The following ACOXL variants were observed in gnomAD, a reference collection of about 807,000 sequenced individuals.
ACOXL encodes the protein acyl-coenzyme A oxidase-like protein.
A neutral mutation model predicts 71.9 loss-of-function variants in ACOXL; 70 were observed. The ratio of observed to expected loss-of-function variants is 0.97; its 90% CI spans 0.80 to 1.19. The LOEUF (loss-of-function observed/expected upper bound fraction) is 1.19. ACOXL is among the 50% of genes most tolerant of loss of function. The pLI, the probability that ACOXL is intolerant of heterozygous loss-of-function variation, is 0.00. For synonymous variants in ACOXL, 253 were observed against 281.6 expected (o/e 0.90, Z 1.02); for missense variants, 703 against 736.3 (o/e 0.95, Z 0.52).
At position 111,088,757 on chromosome 2, in the gene ACOXL, A is replaced by G. The variant is rs144214815; in HGVS notation, c.1441-4108A>G. ...GACATCAGTTGAACTATACTCACAC[A>G]TATAGCCCTGAACCTAAAATAAAAG... On this transcript the variant is annotated intron_variant, in intron 16 of 17. Transcript: ENST00000439055. Among the ~76,000 whole-genome samples, 1,342 of 152,298 alleles carry G rather than the reference A, an allele frequency of 8.8e-3. 19 individuals are homozygous for G. The highest frequency in any genetic ancestry group is 0.03 in the African/African-American group (1,247 of 41,562).
At chr2:110,967,993 C>T (rs937818480) in intron 12 of ACOXL, 1 of 944,518 alleles carries the variant, frequency 1.1e-6, no homozygotes, top group African/African-American at 1.6e-5. Flanking sequence ...GATAGTAGTT[C>T]ATCTAACCAA....
At position 111,055,644 on chromosome 2, in the gene ACOXL, C is replaced by T. The variant is rs1041975660; in HGVS notation, c.1440+6356C>T. Among the ~76,000 whole-genome samples the T allele has an allele frequency of 3.3e-5, 5 of 152,216 alleles. No homozygotes were observed. In the East Asian group the frequency reaches 9.6e-4, roughly 29 times the overall value. ...ACCCTGTGAATGCATCACATGTACCCACATCACCATTCAGTCATCTGGGGC... is the reference window on the plus strand; with the variant it reads ...ACCCTGTGAATGCATCACATGTACCTACATCACCATTCAGTCATCTGGGGC... On this transcript the variant is annotated intron_variant, in intron 16 of 17. Transcript: ENST00000439055.
intron 17 of ACOXL, among the ~76,000 whole-genome samples, chr2:111,106,125 C>T (rs1043752373): frequency 6.6e-6 from 1 of 152,154 alleles, no homozygotes. Context: ...CTTCTCTTTT[C>T]AGAACACTGA....
chr2:110,954,375 C>T (rs2061427080), intron 12 of ACOXL, among the ~76,000 whole-genome samples: 1 of 152,156 alleles, frequency 6.6e-6, no homozygotes, highest in Non-Finnish European at 1.5e-5. Flanking sequence ...TGTTTTCCAT[C>T]TCTTATTTTC....
At chr2:110,870,035 C>A (rs1314962133) in intron 10 of ACOXL, among the ~76,000 whole-genome samples, 1 of 152,266 alleles carries the variant, frequency 6.6e-6, no homozygotes, top group African/African-American at 2.4e-5. Context: ...CCTTCACAGC[C>A]TATTTAAACC....
At chr2:110,959,790 A>T (rs866154913) in intron 12 of ACOXL, among the ~76,000 whole-genome samples, 5 of 152,154 alleles carry the variant, frequency 3.3e-5, no homozygotes, top group South Asian at 2.1e-4. Context: ...TTCTGCACCC[A>T]TTCTTCTTTC....
chr2:110,862,931 C>T (rs1694132081), intron 10 of ACOXL, among the ~76,000 whole-genome samples: 1 of 152,224 alleles, frequency 6.6e-6, no homozygotes, highest in Non-Finnish European at 1.5e-5. Flanking sequence ...CAGCAGCTAC[C>T]ACCTTCAATG....
intron 10 of ACOXL, among the ~76,000 whole-genome samples, chr2:110,843,714 A>T (rs546156701): frequency 1.3e-5 from 2 of 152,198 alleles, no homozygotes; most frequent in Non-Finnish European, 2.9e-5. Flanking sequence ...TGCTCTCCCC[A>T]GGAGACATCC....
chr2:110,829,591 T>C (rs942554960), intron 9 of ACOXL, among the ~76,000 whole-genome samples: 1 of 152,212 alleles, frequency 6.6e-6, no homozygotes, highest in African/African-American at 2.4e-5. Flanking sequence ...GTACGGTGGC[T>C]GTTTCTTCTC....
chr2:110,834,611 C>G (rs1690229967), intron 9 of ACOXL, among the ~76,000 whole-genome samples: 1 of 152,212 alleles, frequency 6.6e-6, no homozygotes, highest in East Asian at 1.9e-4. Flanking sequence ...ATGATAGTCA[C>G]TTAATAGAAA....
chr2:110,982,571 A>G lies in ACOXL; in HGVS notation c.1060-4537A>G, dbSNP rs191415540. On this transcript the variant is annotated intron_variant, in intron 12 of 17. Coordinates refer to ENST00000439055, the MANE Select transcript of ACOXL (RefSeq NM_001142807.4). ...AAAGAGTTAAAATGCATGATGGTGG[A>G]AAATCAAGACCATCCCCTTAGTCTT... 5.8e-4 allele frequency among the ~76,000 whole-genome samples: 89 copies of G among 152,316 alleles called. 1 individual carries two copies. The highest frequency in any genetic ancestry group is 2.0e-3 in the African/African-American group (84 of 41,558).
intron 12 of ACOXL, among the ~76,000 whole-genome samples, chr2:110,942,649 G>C (rs2060907523): frequency 6.6e-6 from 1 of 151,954 alleles, no homozygotes; most frequent in Non-Finnish European, 1.5e-5. Flanking sequence ...ACTTTGGGAG[G>C]CTGAGGCAGG....
intron 9 of ACOXL, among the ~76,000 whole-genome samples, chr2:110,838,835 G>A (rs1409708367): frequency 1.3e-5 from 2 of 152,156 alleles, no homozygotes; most frequent in African/African-American, 2.4e-5. Flanking sequence ...CACATAGCAC[G>A]GAGGCTTTCC....
At chr2:110,795,171 T>G (rs1243712069) in intron 5 of ACOXL, among the ~76,000 whole-genome samples, 3 of 152,206 alleles carry the variant, frequency 2.0e-5, no homozygotes, top group African/African-American at 7.2e-5. Context: ...TTCTTTATTT[T>G]TGCAGTTTGT....
At chr2:110,778,507 G>C (rs1682932907) in intron 2 of ACOXL, among the ~76,000 whole-genome samples, 1 of 152,204 alleles carries the variant, frequency 6.6e-6, no homozygotes, top group Admixed American at 6.5e-5. Context: ...TCATGCAGTG[G>C]TTATGGGTTT....
chr2:111,015,453 A>G (rs1003657329), intron 14 of ACOXL, among the ~76,000 whole-genome samples: 5 of 152,228 alleles, frequency 3.3e-5, no homozygotes, highest in African/African-American at 1.2e-4. Flanking sequence ...TTAAACTAAA[A>G]TGATTGACAA....
intron 16 of ACOXL, among the ~76,000 whole-genome samples, chr2:111,068,480 C>A (rs185394813): frequency 1.3e-5 from 2 of 152,286 alleles, no homozygotes; most frequent in African/African-American, 4.8e-5. Flanking sequence ...TCAGTGAATC[C>A]TCTTAAGCTG....
At chr2:110,853,700 A>G (rs1247332812) in intron 10 of ACOXL, among the ~76,000 whole-genome samples, 1 of 152,072 alleles carries the variant, frequency 6.6e-6, no homozygotes, top group Admixed American at 6.5e-5. Flanking sequence ...GCACAGTAGG[A>G]CTCACTGTTG....
chr2:111,084,327 G>T (rs2068094101), intron 16 of ACOXL, among the ~76,000 whole-genome samples: 1 of 151,498 alleles, frequency 6.6e-6, no homozygotes, highest in South Asian at 2.1e-4. Flanking sequence ...GAAGGATTGT[G>T]GGGGAGACAT....
Sources: allele counts gnomAD v4.1 joint callset (sites outside exome capture counted in the v4.1 genomes callset), GRCh38; gene constraint gnomAD v4.1.1; transcripts MANE v1.5; gene names NCBI Gene and HGNC (gene_info 2026-07-23, HGNC 2026-07-21).